Variants in CETP observed in about 807,000 individuals in gnomAD.
The protein encoded by CETP is BPI fold containing family F.
Under a neutral mutation model 66.5 loss-of-function variants are expected in CETP, and 56 were observed. The ratio of observed to expected loss-of-function variants is 0.84; its 90% CI spans 0.68 to 1.05. CETP has a LOEUF of 1.05. Ranked by LOEUF, CETP falls within the 50% of genes least tolerant of loss-of-function variation. The pLI is 0.00. For synonymous variants in CETP, 251 were observed against 245.7 expected, an observed-to-expected ratio of 1.02 and a Z score of -0.20; for missense variants, 612 against 609.6, an observed-to-expected ratio of 1.00 and a Z score of -0.04.
chr16:56,973,224 C>T (rs1458279465), intron 8 of CETP, 107 bp from the exon 9 acceptor site: 1 of 1,181,156 alleles, frequency 8.5e-7, no homozygotes, highest in Non-Finnish European at 1.3e-6. Flanking sequence ...TCAGTTTCCC[C>T]ATCTGCACTC....
At chr16:56,983,138 G>A (rs1308209294) in intron 14 of CETP, among the ~76,000 whole-genome samples, 188 bp from the exon 15 acceptor site, 8 of 152,192 alleles carry the variant, frequency 5.3e-5, no homozygotes, top group African/African-American at 1.2e-4. Context: ...AAGCCCTGCC[G>A]CCAGGCAAAC....
intron 2 of CETP, among the ~76,000 whole-genome samples, chr16:56,965,142 CAGACA>C: frequency 6.6e-6 from 1 of 152,192 alleles, no homozygotes; most frequent in African/African-American, 2.4e-5. Context: ...TGCAAGAGGT[CAGACA>C]TGGCAAAAGC....
At chr16:56,979,425 A>T (rs1013898073) in intron 11 of CETP, among the ~76,000 whole-genome samples, 5 of 152,190 alleles carry the variant, frequency 3.3e-5, no homozygotes, top group African/African-American at 4.8e-5. Context: ...CTTAAGAAAA[A>T]ACTTGTAGTT....
In CETP at chr16:56,978,127, G is replaced by A. The variant is rs141310739; in HGVS notation, c.1018G>A (p.Val340Ile). The change falls in exon 11 of 16, where the codon GTC becomes ATC. Residue 340 changes from valine to isoleucine, a missense_variant. Physicochemically the swap from Val to Ile is conservative, Grantham distance 29. Transcript: ENST00000200676. ...CTTCCCCAGCCAGGCCCAAGTCACC[G>A]TCCACTGCCTCAAGATGCCCAAGAT... ...GGFPSQAQVT[V>I]HCLKMPKISC... 183 of 1,614,102 alleles carry A rather than the reference G, an allele frequency of 1.1e-4. No individual in the cohort carries two copies. Among genetic ancestry groups the A allele is most frequent in the Admixed American group, 2.0e-4 (12 of 60,004 alleles).
intron 2 of CETP, among the ~76,000 whole-genome samples, chr16:56,968,331 G>A (rs2056083163): frequency 6.6e-6 from 1 of 151,990 alleles, no homozygotes; most frequent in African/African-American, 2.4e-5. Context: ...GACTACAGAC[G>A]CCCACCATCA....
intron 2 of CETP, among the ~76,000 whole-genome samples, chr16:56,968,877 T>C (rs1223471159): frequency 6.6e-6 from 1 of 152,180 alleles, no homozygotes; most frequent in African/African-American, 2.4e-5. Flanking sequence ...TTCCTTCTGC[T>C]AGCTTTGGGC....
chr16:56,979,428 T>C (rs1365937565), intron 11 of CETP, among the ~76,000 whole-genome samples: 1 of 152,180 alleles, frequency 6.6e-6, no homozygotes, highest in East Asian at 1.9e-4. Flanking sequence ...AAGAAAAAAC[T>C]TGTAGTTTTC....
chr16:56,963,995 TTTATTTATTTATTTATTTATTTA>T (rs2056046076), intron 2 of CETP, among the ~76,000 whole-genome samples: 2 of 12,520 alleles, frequency 1.6e-4, no homozygotes, highest in African/African-American at 5.4e-4. Flanking sequence ...CTTTATTTTA[TTTATTTATTTATTTATTTATTTA>T]TTTATTTATT....
In CETP at chr16:56,969,907, C is replaced by T. The variant is rs755969723; in HGVS notation, c.440-7C>T. ...CTGCCCTGAGGTCATGTCGGGTCTCCCTGCAGCCTGTGACTCTGGTAGAGT... is the reference window on the plus strand; with the variant it reads ...CTGCCCTGAGGTCATGTCGGGTCTCTCTGCAGCCTGTGACTCTGGTAGAGT... On this transcript the variant is annotated splice_polypyrimidine_tract_variant and splice_region_variant and intron_variant, in intron 4 of 15. Transcript: ENST00000200676. 1 of 1,613,784 alleles carries T rather than the reference C, an allele frequency of 6.2e-7. No individual in the cohort carries two copies. Among genetic ancestry groups the T allele is most frequent in the Non-Finnish European group, 8.5e-7 (1 of 1,179,820 alleles).
Position 56,982,237 on chromosome 16 carries a change from CGTA to C in CETP, c.1321+1_1321+3del. ...TGTGGGCATCCCTGAGGTCATGTCT[CGTA>C]AGTGTGGGCTGGAGGGGAAACTGGG... On this transcript the variant is annotated splice_donor_variant and splice_donor_region_variant and intron_variant, in intron 14 of 15. Transcript: ENST00000200676. LOFTEE classifies it high-confidence loss of function. The C allele has an allele frequency of 1.2e-6, 2 of 1,613,980 alleles. No individual in the cohort carries two copies. Among genetic ancestry groups the C allele is most frequent in the Non-Finnish European group, 1.7e-6 (2 of 1,179,904 alleles).
At position 56,971,948 on chromosome 16, in the gene CETP, A is replaced by T. The variant is rs369655194; in HGVS notation, c.659-44A>T. 33 of 1,549,548 alleles carry T rather than the reference A, an allele frequency of 2.1e-5. No individual in the cohort carries two copies. In the African/African-American group the frequency reaches 3.8e-4, roughly 18 times the overall value. On this transcript the variant is annotated intron_variant, in intron 7 of 15. Transcript: ENST00000200676. The stretch of plus-strand genomic sequence containing the variant: ...TGCAGGGGAGCGGTGACTCAGGGCA[A>T]TTCCCCCATCCTGAGGCCCTGCGTT...
chr16:56,973,301 G>A, intron 8 of CETP, 30 bp from the exon 9 acceptor site: 1 of 1,613,218 alleles, frequency 6.2e-7, no homozygotes, highest in South Asian at 1.1e-5. Context: ...GGGACACACA[G>A]GGTCCAGCCA....
rs777267642 is a variant in CETP at position 56,978,165 on chromosome 16, C to T, written c.1056C>T (p.Asn352=). The T allele has an allele frequency of 3.7e-6, 6 of 1,614,142 alleles. No individual in the cohort carries two copies. In the South Asian group the frequency reaches 4.4e-5, roughly 12 times the overall value. Residue 352 remains asparagine, a synonymous_variant, in exon 11 of 16, where the codon AAC becomes AAT. Transcript: ENST00000200676. The part of the protein sequence containing the change: ...CLKMPKISCQ[N]KGVVVNSSVM... ...AGATGCCCAAGATCTCCTGCCAAAACAAGGGAGTCGTGGTCAATTCTTCAG... is the reference window on the plus strand; with the variant it reads ...AGATGCCCAAGATCTCCTGCCAAAATAAGGGAGTCGTGGTCAATTCTTCAG...
rs2056097919 is a variant in CETP, at chr16:56,969,972, G to A, written c.498G>A (p.Lys166=). ...DAPDCYLSFH[K]LLLHLQGERE... Reference sequence around the variant, plus strand: ...CTGACTGCTACCTGTCTTTCCATAAGCTGCTCCTGCATCTCCAAGGGGAGC... The same window carrying A: ...CTGACTGCTACCTGTCTTTCCATAAACTGCTCCTGCATCTCCAAGGGGAGC... Residue 166 remains lysine (K), a synonymous_variant, in exon 5 of 16, where the codon AAG becomes AAA. Transcript: ENST00000200676. The A allele has an allele frequency of 1.9e-6, 3 of 1,614,076 alleles. No homozygotes were observed. Among genetic ancestry groups the A allele is most frequent in the African/African-American group, 1.3e-5 (1 of 75,020 alleles).
chr16:56,969,313 C>T, intron 2 of CETP, 73 bp from the exon 3 acceptor site: 1 of 1,604,930 alleles, frequency 6.2e-7, no homozygotes, highest in Non-Finnish European at 8.5e-7. Context: ...CTCGCCTAGA[C>T]AAAATTGGAG....
chr16:56,983,436 G>C (rs2056202825), intron 15 of CETP, 25 bp downstream of exon 15: 1 of 1,612,132 alleles, frequency 6.2e-7, no homozygotes, highest in Non-Finnish European at 8.5e-7. Context: ...CCCCTCACCA[G>C]CCCCTGTTCC....
rs1024665361 is a variant in CETP, at chr16:56,970,354, G to T, written c.527+353G>T. Among the ~76,000 whole-genome samples the T allele has an allele frequency of 4.6e-5, 7 of 152,288 alleles. No homozygotes were observed. The East Asian group carries it at 1.2e-3, about 25-fold the overall frequency. On this transcript the variant is annotated intron_variant, in intron 5 of 15. Coordinates refer to ENST00000200676, the MANE Select transcript of CETP (RefSeq NM_000078.3). Reference sequence around the variant, plus strand: ...ATATGGGTAAACTGAGTCACAGAGAGGTTAGAAAGGAAAAGCTCATATCTA... The same window carrying T: ...ATATGGGTAAACTGAGTCACAGAGATGTTAGAAAGGAAAAGCTCATATCTA...
intron 4 of CETP, 94 bp from the exon 5 acceptor site, chr16:56,969,820 C>T (rs1275669180): frequency 6.5e-7 from 1 of 1,541,730 alleles, no homozygotes; most frequent in South Asian, 1.1e-5. Flanking sequence ...GGTGGGGACC[C>T]CAGAGCTGGC....
At chr16:56,972,153 C>T in intron 8 of CETP, 70 bp downstream of exon 8, 1 of 1,174,378 alleles carries the variant, frequency 8.5e-7, no homozygotes, top group Non-Finnish European at 1.3e-6. Flanking sequence ...TGTGCTCTGA[C>T]AACCCCGTCC....
Sources: gnomAD v4.1 joint callset for allele counts (sites outside exome capture counted in the v4.1 genomes callset) on GRCh38, gnomAD v4.1.1 for gene constraint, MANE v1.5 for transcripts, NCBI Gene and HGNC (gene_info 2026-07-23, HGNC 2026-07-21) for gene names.